GPR155: variants seen among roughly 807,000 people sequenced by gnomAD.
GPR155 encodes the protein lysosomal cholesterol signaling protein.
A neutral mutation model predicts 93.1 loss-of-function variants in GPR155; 65 were observed. The ratio of observed to expected loss-of-function variants is 0.70; its 90% CI spans 0.57 to 0.86. GPR155 has a LOEUF of 0.86. Among genes scored for constraint, GPR155 ranks in the 40% least tolerant of loss-of-function variants. The probability of loss-of-function intolerance (pLI) is 0.00; values close to 1 mark genes in which losing one functional copy is unlikely to be tolerated. For synonymous variants in GPR155, 319 were observed against 360.1 expected (o/e 0.89, Z 1.29); for missense variants, 838 against 1,034.8 (o/e 0.81, Z 2.61).
chr2:174,477,620 T>C (rs1295395930), intron 2 of GPR155, among the ~76,000 whole-genome samples: 2 of 152,188 alleles, frequency 1.3e-5, no homozygotes, highest in East Asian at 3.8e-4. Context: ...ATAATTAACA[T>C]TACATCTTTA....
intron 2 of GPR155, 33 bp downstream of exon 2, chr2:174,481,464 T>G (rs1688316890): frequency 7.6e-7 from 1 of 1,316,148 alleles, no homozygotes; most frequent in African/African-American, 1.5e-5. Context: ...AAATTGAATT[T>G]TTTAAACACT....
intron 2 of GPR155, among the ~76,000 whole-genome samples, chr2:174,479,856 TA>T (rs1688270333): frequency 6.6e-6 from 1 of 152,204 alleles, no homozygotes; most frequent in African/African-American, 2.4e-5. Flanking sequence ...TCAATAACCT[TA>T]AAGGAACACC....
At chr2:174,457,996 C>G (rs1361789460) in intron 10 of GPR155, among the ~76,000 whole-genome samples, 1 of 152,122 alleles carries the variant, frequency 6.6e-6, no homozygotes, top group African/African-American at 2.4e-5. Flanking sequence ...GCAATCCTTC[C>G]AAAGTGCTGG....
Position 174,435,519 on chromosome 2 carries a change from T to C in GPR155, c.*597A>G, listed in dbSNP as rs562071649. 3.5e-4 allele frequency: 53 copies of C among 152,078 alleles called. No homozygotes were observed. Among genetic ancestry groups the C allele is most frequent in the African/African-American group, 1.3e-3 (52 of 41,414 alleles). The allele number at this position is 152,078 out of a possible 1,614,324, so 9.4% of individuals were successfully genotyped here. A position where few individuals can be genotyped will look rare whatever the true frequency, so the allele number is the denominator to read the frequency against. On this transcript the variant is annotated 3_prime_UTR_variant, in exon 16 of 16. Coordinates refer to ENST00000392552, the MANE Select transcript of GPR155 (RefSeq NM_152529.7). ...TAGAGTCTTGCTCTGTTGCTCAGGC[T>C]GGAGTGCAGTGGCACGATCTCGGCT...
At chr2:174,485,310 A>C (rs183881586) in intron 1 of GPR155, among the ~76,000 whole-genome samples, 10 of 152,228 alleles carry the variant, frequency 6.6e-5, no homozygotes, top group African/African-American at 2.4e-4. Context: ...CAAAACAAAA[A>C]AAAGGGCCGG....
At chr2:174,436,711 A>G (rs1207857759) in intron 15 of GPR155, among the ~76,000 whole-genome samples, 2 of 152,272 alleles carry the variant, frequency 1.3e-5, no homozygotes, top group African/African-American at 4.8e-5. Context: ...TACTTTTTAT[A>G]GTAGCCTGTT....
intron 13 of GPR155, 119 bp from the exon 14 acceptor site, chr2:174,442,302 A>G (rs1196498824): frequency 1.6e-6 from 1 of 621,500 alleles, no homozygotes; most frequent in Non-Finnish European, 3.0e-6. Context: ...GACAAGAGCA[A>G]CATTTTAAGT....
At chr2:174,460,994 C>T (rs1288057883) in intron 9 of GPR155, among the ~76,000 whole-genome samples, 1 of 152,112 alleles carries the variant, frequency 6.6e-6, no homozygotes, top group Non-Finnish European at 1.5e-5. Context: ...TCCCACAAGC[C>T]ACCTACTCTA....
At chr2:174,474,820 G>C (rs1186395163) in intron 2 of GPR155, among the ~76,000 whole-genome samples, 1 of 152,074 alleles carries the variant, frequency 6.6e-6, no homozygotes, top group Non-Finnish European at 1.5e-5. Flanking sequence ...TAGTTTATTA[G>C]AGCAACTTAG....
intron 1 of GPR155, among the ~76,000 whole-genome samples, chr2:174,483,704 C>G (rs1200096529): frequency 6.6e-6 from 1 of 152,042 alleles, no homozygotes; most frequent in African/African-American, 2.4e-5. Flanking sequence ...CCTGCCTTAG[C>G]CTTCCCGAGT....
At position 174,436,339 on chromosome 2, in the gene GPR155, G is replaced by A. The variant is rs770980061; in HGVS notation, c.2390C>T (p.Ser797Phe). The change falls in exon 16 of 16, where the codon TCC becomes TTC. Residue 797 changes from serine (S) to phenylalanine (F), a missense_variant. Transcript: ENST00000392552. ...VSWLIEVGLA[S>F]DRGEAVIYGD... ...GTATATCACAGCTTCACCACGGTCG[G>A]AGGCAAGGCCGACTTCAATTAGCCA... 6.2e-7 allele frequency: 1 copy of A among 1,614,028 alleles called. No individual in the cohort carries two copies. The highest frequency in any genetic ancestry group is 8.5e-7 in the Non-Finnish European group (1 of 1,180,042).
chr2:174,478,176 T>C (rs2105736303), intron 2 of GPR155, among the ~76,000 whole-genome samples: 1 of 152,348 alleles, frequency 6.6e-6, no homozygotes, highest in East Asian at 1.9e-4. Flanking sequence ...TTTCTTCTCA[T>C]ACTTGGATTT....
At chr2:174,442,754 A>G (rs1381053759) in intron 13 of GPR155, among the ~76,000 whole-genome samples, 1 of 152,188 alleles carries the variant, frequency 6.6e-6, no homozygotes, top group Non-Finnish European at 1.5e-5. Context: ...CATCTGTGTC[A>G]CACTGGGATA....
chr2:174,477,405 A>C (rs1026050552), intron 2 of GPR155, among the ~76,000 whole-genome samples: 4 of 152,158 alleles, frequency 2.6e-5, no homozygotes, highest in African/African-American at 9.6e-5. Context: ...GAAATTTTGT[A>C]ACTTTTTTTA....
At chr2:174,441,841 C>T (rs978917604) in intron 14 of GPR155, among the ~76,000 whole-genome samples, 3 of 152,006 alleles carry the variant, frequency 2.0e-5, no homozygotes, top group African/African-American at 7.3e-5. Context: ...CTCCCAGGTT[C>T]AAGCCATCCT....
intron 2 of GPR155, among the ~76,000 whole-genome samples, chr2:174,477,364 A>G (rs1203460917): frequency 6.6e-6 from 1 of 152,170 alleles, no homozygotes; most frequent in African/African-American, 2.4e-5. Context: ...GTTATTAACC[A>G]TCGTCACCAT....
chr2:174,447,142 G>A (rs1233899698), intron 11 of GPR155, among the ~76,000 whole-genome samples: 4 of 151,610 alleles, frequency 2.6e-5, no homozygotes, highest in Non-Finnish European at 5.9e-5. Flanking sequence ...TTCAAGACCA[G>A]CCTGGCCAAC....
At chr2:174,453,259 A>G (rs939085531) in intron 11 of GPR155, among the ~76,000 whole-genome samples, 6 of 152,226 alleles carry the variant, frequency 3.9e-5, no homozygotes, top group African/African-American at 1.4e-4. Flanking sequence ...CTGTCTATGC[A>G]CAATTATTCC....
intron 15 of GPR155, among the ~76,000 whole-genome samples, chr2:174,438,109 T>G (rs777666553): frequency 6.6e-6 from 1 of 151,802 alleles, no homozygotes; most frequent in South Asian, 2.1e-4. Context: ...ATACAAAAAA[T>G]TAGCTGGGTA....
Sources: allele counts gnomAD v4.1 joint callset (sites outside exome capture counted in the v4.1 genomes callset), GRCh38; gene constraint gnomAD v4.1.1; transcripts MANE v1.5; gene names NCBI Gene and HGNC (gene_info 2026-07-23, HGNC 2026-07-21).